Variants in SOX5 observed in about 807,000 individuals in gnomAD.
SOX5 encodes transcription factor SOX-5.
Under a neutral mutation model 92.0 loss-of-function variants are expected in SOX5, and 9 were observed. The observed-to-expected ratio is 0.10, with a 90% confidence interval of 0.06 to 0.17. The LOEUF (loss-of-function observed/expected upper bound fraction) is 0.17. SOX5 is among the 10% of genes least tolerant of loss of function. The pLI is 1.00. For synonymous variants in SOX5, 344 were observed against 336.3 expected, an observed-to-expected ratio of 1.02 and a Z score of -0.25; for missense variants, 642 against 944.5, an observed-to-expected ratio of 0.68 and a Z score of 4.20.
chr12:24,012,561 A>G (rs566600688), intron 4 of SOX5, among the ~76,000 whole-genome samples: 1 of 152,338 alleles, frequency 6.6e-6, no homozygotes, highest in East Asian at 1.9e-4. Flanking sequence ...ACTCATCCTC[A>G]TAACTCCATG....
rs777141805 is a variant in SOX5 at position 24,288,754 on chromosome 12, T to TA, written c.-173-11443dup. On this transcript the variant is annotated intron_variant, in intron 2 of 4. Coordinates refer to the SOX5 transcript ENST00000446891. ...CTTGCAACAATGCATGTCCAACCTT[T>TA]AAAAAAAAAAACGTGGTGAGGAAGG... is the stretch of plus-strand genomic sequence containing the variant. 6.1e-3 allele frequency among the ~76,000 whole-genome samples: 890 copies of TA among 145,920 alleles called. 13 individuals carry two copies. The highest frequency in any genetic ancestry group is 0.02 in the African/African-American group (789 of 40,024).
intron 2 of SOX5, among the ~76,000 whole-genome samples, chr12:24,340,658 A>G (rs750262164): frequency 5.3e-5 from 8 of 152,208 alleles, no homozygotes; most frequent in African/African-American, 7.2e-5. Flanking sequence ...ATTAAATTCA[A>G]TTGAGTCCAG....
chr12:23,734,655 G>A (rs374898752), intron 6 of SOX5, 29 bp downstream of exon 6: 5 of 1,497,814 alleles, frequency 3.3e-6, no homozygotes, highest in South Asian at 1.2e-5. Context: ...TTTTTAAATT[G>A]TAAGTATATT....
chr12:24,017,448 A>G (rs1161059465), intron 4 of SOX5, among the ~76,000 whole-genome samples: 1 of 151,952 alleles, frequency 6.6e-6, no homozygotes, highest in Non-Finnish European at 1.5e-5. Context: ...AATGCAAAAA[A>G]AATTAGCAGA....
At chr12:23,661,511 T>G (rs2083052451) in intron 7 of SOX5, among the ~76,000 whole-genome samples, 1 of 152,182 alleles carries the variant, frequency 6.6e-6, no homozygotes, top group Non-Finnish European at 1.5e-5. Context: ...GACACCAACA[T>G]GAACATTCAA....
At chr12:24,303,089 A>C (rs1948168176) in intron 2 of SOX5, among the ~76,000 whole-genome samples, 3 of 152,202 alleles carry the variant, frequency 2.0e-5, no homozygotes, top group Admixed American at 1.3e-4. Flanking sequence ...ACCATTTTTT[A>C]TACCATTAGA....
At chr12:23,547,759 T>C (rs991846334) in intron 11 of SOX5, among the ~76,000 whole-genome samples, 4 of 152,194 alleles carry the variant, frequency 2.6e-5, no homozygotes, top group Admixed American at 6.6e-5. Context: ...CAAAATAGTT[T>C]ATATTAACTT....
At chr12:24,085,186 C>A (rs1225552976) in intron 4 of SOX5, among the ~76,000 whole-genome samples, 1 of 152,162 alleles carries the variant, frequency 6.6e-6, no homozygotes, top group Non-Finnish European at 1.5e-5. Context: ...CAAGCAAGAG[C>A]ATGGCCAGGA....
At chr12:24,555,907 T>C (rs1295345383) in intron 1 of SOX5, among the ~76,000 whole-genome samples, 11 of 152,232 alleles carry the variant, frequency 7.2e-5, no homozygotes, top group Non-Finnish European at 4.4e-5. Flanking sequence ...CTGCTTCCCC[T>C]ATGGCTCTAG....
Position 24,440,261 on chromosome 12 carries a change from C to A in SOX5, c.-250-71622G>T, listed in dbSNP as rs78303156. Among the ~76,000 whole-genome samples the A allele has an allele frequency of 4.6e-3, 706 of 152,276 alleles. 10 individuals are homozygous for A. In the East Asian group the frequency reaches 0.051, roughly 11 times the overall value. On this transcript the variant is annotated intron_variant, in intron 1 of 4. Coordinates refer to the SOX5 transcript ENST00000446891. ...AATGCCACAGACGCTGACTGAGGAA[C>A]CCCCTCAACTTCTACCTTAGATAAT...
At chr12:24,484,713 A>C (rs188625197) in intron 1 of SOX5, among the ~76,000 whole-genome samples, 129 of 152,312 alleles carry the variant, frequency 8.5e-4, no homozygotes, top group Middle Eastern at 3.4e-3. Flanking sequence ...TCCTTGAGAA[A>C]ATCGTGTCAA....
At chr12:24,205,866 G>C (rs889936937) in intron 4 of SOX5, among the ~76,000 whole-genome samples, 1 of 152,146 alleles carries the variant, frequency 6.6e-6, no homozygotes, top group Non-Finnish European at 1.5e-5. Flanking sequence ...GCTTTTAAAA[G>C]ACTGAAATTT....
At chr12:23,861,243 A>T (rs967876175) in intron 2 of SOX5, among the ~76,000 whole-genome samples, 2 of 152,124 alleles carry the variant, frequency 1.3e-5, no homozygotes. Context: ...AATCCCTGCC[A>T]CATAAATGTT....
chr12:23,729,347 C>T (rs1304692945), intron 6 of SOX5, among the ~76,000 whole-genome samples: 1 of 152,168 alleles, frequency 6.6e-6, no homozygotes. Flanking sequence ...TTCCAGATCA[C>T]TGTTCTCAAT....
At chr12:24,268,778 G>A (rs1462776881) in intron 3 of SOX5, among the ~76,000 whole-genome samples, 1 of 152,152 alleles carries the variant, frequency 6.6e-6, no homozygotes, top group African/African-American at 2.4e-5. Context: ...GAGGGTCATT[G>A]GATTTGGCCA....
At chr12:23,932,883 A>G (rs1407310323) in intron 1 of SOX5, among the ~76,000 whole-genome samples, 1 of 151,676 alleles carries the variant, frequency 6.6e-6, no homozygotes, top group Non-Finnish European at 1.5e-5. Context: ...CAAAACCATT[A>G]GTTTTGAAGA....
intron 2 of SOX5, among the ~76,000 whole-genome samples, chr12:23,883,067 G>A (rs1408060937): frequency 3.4e-5 from 5 of 149,030 alleles, no homozygotes; most frequent in African/African-American, 1.3e-4. Context: ...TGTAGTCCCA[G>A]CTACTCAGGA....
intron 8 of SOX5, among the ~76,000 whole-genome samples, chr12:23,607,316 C>T (rs1399850462): frequency 1.3e-5 from 2 of 152,170 alleles, no homozygotes; most frequent in African/African-American, 4.8e-5. Context: ...GAGAATTTAA[C>T]ATACTTTGAG....
intron 1 of SOX5, among the ~76,000 whole-genome samples, chr12:23,901,443 T>C (rs2097231684): frequency 6.6e-6 from 1 of 152,224 alleles, no homozygotes; most frequent in Non-Finnish European, 1.5e-5. Context: ...TAATATATCA[T>C]TGATTTAAGC....
Sources: gnomAD v4.1 joint callset for allele counts (sites outside exome capture counted in the v4.1 genomes callset) on GRCh38, gnomAD v4.1.1 for gene constraint, MANE v1.5 for transcripts, NCBI Gene and HGNC (gene_info 2026-07-23, HGNC 2026-07-21) for gene names.